The following ASB10 variants were observed in gnomAD, a reference collection of about 807,000 sequenced individuals.
The protein encoded by ASB10 is ankyrin repeat and SOCS box containing 10.
In ASB10, 44 loss-of-function variants were observed where a neutral mutation model predicts 35.4. That is an observed-to-expected ratio of 1.24 (90% CI 0.98 to 1.60). ASB10 has a LOEUF of 1.60. Ranked by LOEUF, ASB10 falls within the 40% of genes most tolerant of loss-of-function variation. The pLI, the probability that ASB10 is intolerant of heterozygous loss-of-function variation, is 0.00. For missense variants in ASB10, 647 were observed against 634.3 expected (o/e 1.02, Z -0.22); for synonymous variants, 294 against 280.4 (o/e 1.05, Z -0.49).
chr7:151,184,454 A>T (rs1223175236), intron 2 of ASB10, among the ~76,000 whole-genome samples: 1 of 152,100 alleles, frequency 6.6e-6, no homozygotes, highest in Admixed American at 6.6e-5. Flanking sequence ...ACATGGGTGA[A>T]GTCTGAAGAC....
intron 2 of ASB10, 29 bp from the exon 3 acceptor site, chr7:151,181,487 A>C: frequency 1.9e-6 from 3 of 1,551,922 alleles, no homozygotes; most frequent in Non-Finnish European, 2.6e-6. Context: ...GGTGGGGAGG[A>C]AAGCGGGCAC....
intron 2 of ASB10, among the ~76,000 whole-genome samples, chr7:151,183,833 G>A (rs968672405): frequency 3.3e-5 from 5 of 152,018 alleles, no homozygotes; most frequent in Non-Finnish European, 5.9e-5. Flanking sequence ...TGATCCACCC[G>A]GCTCGGCCTC....
chr7:151,183,078 C>T (rs910253255), intron 2 of ASB10, among the ~76,000 whole-genome samples: 5 of 152,196 alleles, frequency 3.3e-5, no homozygotes, highest in African/African-American at 9.7e-5. Flanking sequence ...CCACCTGTGG[C>T]TATCGAGTTC....
At chr7:151,186,738 C>G (rs1801603005) in intron 1 of ASB10, 77 bp downstream of exon 1, 2 of 1,538,526 alleles carry the variant, frequency 1.3e-6, no homozygotes. Context: ...TGGGCAGAGG[C>G]AGGAAGAGGG....
chr7:151,187,313 G>A (rs776734484), upstream of ASB10: 8 of 1,511,340 alleles, frequency 5.3e-6, no homozygotes, highest in Non-Finnish European at 7.1e-6. This position sits in a 1 kb window ranked among gnomAD's most constrained non-coding sequence, Gnocchi z 5.3. Context: ...CTTGGGCCAA[G>A]GTGTAGGCTA....
In ASB10 at chr7:151,176,177, G is replaced by C. The variant is rs1302735729; in HGVS notation, c.1339C>G (p.Arg447Gly). Residue 447 changes from arginine (R) to glycine (G), a missense_variant, in exon 5 of 6, where the codon CGC (arginine) becomes GGC (glycine). Physicochemically the swap from Arg to Gly is moderately radical, Grantham distance 125. Transcript: ENST00000420175. ...AGCAGGCGCGGTGGCAGGGGGAGGC[G>C]GGGCAGCGCTTGGGGCAGGCTGCCC... ...LEGSLPQALP[R>G]LPLPPRLLRY... is the part of the protein sequence containing the mutation. 1.2e-6 allele frequency: 2 copies of C among 1,611,440 alleles called. No homozygotes were observed. The highest frequency in any genetic ancestry group is 1.7e-6 in the Non-Finnish European group (2 of 1,179,682).
In ASB10 at chr7:151,175,703, A is replaced by G. The variant is rs1801372608; in HGVS notation, c.*264T>C. 5.9e-6 allele frequency: 1 copy of G among 169,242 alleles called. No individual in the cohort carries two copies. The highest frequency in any genetic ancestry group is 1.8e-4 in the South Asian group (1 of 5,446). 10.5% of individuals were successfully genotyped at this position (169,242 alleles called of 1,614,324 possible). A position where few individuals can be genotyped will look rare whatever the true frequency, so the allele number is the denominator to read the frequency against. On this transcript the variant is annotated 3_prime_UTR_variant, in exon 6 of 6. Coordinates refer to ENST00000420175, the MANE Select transcript of ASB10 (RefSeq NM_001142459.2). ...CTGTTGGAGACAGCACCAAACACAG[A>G]CCTGGAGATTTTTAATGCACATACA...
chr7:151,178,086 A>T (rs1464611641), intron 3 of ASB10, among the ~76,000 whole-genome samples: 1 of 152,190 alleles, frequency 6.6e-6, no homozygotes, highest in Non-Finnish European at 1.5e-5. Context: ...TGTCTCTACT[A>T]AAAATACAAA....
At position 151,181,001 on chromosome 7, in the gene ASB10, G is replaced by A. The variant is rs1563569397; in HGVS notation, c.1042C>T (p.His348Tyr). 3 of 1,600,748 alleles carry A rather than the reference G, an allele frequency of 1.9e-6. No homozygotes were observed. The highest frequency in any genetic ancestry group is 1.1e-5 in the South Asian group (1 of 90,708). ...PAAALAQSPE[H>Y]VVRALLNHGA... Reference sequence around the variant, plus strand: ...TGGTTGAGCAGAGCCCGAACCACGTGCTCGGGGCTCTGGGCCAGGGCTGCA... The same window carrying A: ...TGGTTGAGCAGAGCCCGAACCACGTACTCGGGGCTCTGGGCCAGGGCTGCA... The change falls in exon 3 of 6, where the codon CAC (histidine) becomes TAC (tyrosine). Residue 348 changes from histidine to tyrosine, a missense_variant. Coordinates refer to ENST00000420175, the MANE Select transcript of ASB10 (RefSeq NM_001142459.2).
chr7:151,182,555 G>A (rs138373099), intron 2 of ASB10, among the ~76,000 whole-genome samples: 2 of 152,272 alleles, frequency 1.3e-5, no homozygotes, highest in East Asian at 3.9e-4. Flanking sequence ...TCCAGCTTGG[G>A]TGACAGAGTG....
rs1338153580 is a variant in ASB10, at chr7:151,186,580, C to T, written c.396G>A (p.Leu132=). 4 of 1,608,696 alleles carry T rather than the reference C, an allele frequency of 2.5e-6. No individual in the cohort carries two copies. Among genetic ancestry groups the T allele is most frequent in the East Asian group, 4.5e-5 (2 of 44,710 alleles). ...TTGCTCGCCGCCTCAGCAGCAGCCGCAGGACTTCCGTGTGGCCACGGCTGG... is the reference window on the plus strand; with the variant it reads ...TTGCTCGCCGCCTCAGCAGCAGCCGTAGGACTTCCGTGTGGCCACGGCTGG... ...VAASRGHTEV[L]RLLLRRRARP... The change falls in exon 2 of 6, where the codon CTG becomes CTA. Residue 132 remains leucine (L), a synonymous_variant. Transcript: ENST00000420175.
intron 2 of ASB10, among the ~76,000 whole-genome samples, chr7:151,185,087 T>C (rs1801563367): frequency 6.6e-6 from 1 of 151,868 alleles, no homozygotes; most frequent in Non-Finnish European, 1.5e-5. Context: ...TACCACCATT[T>C]TGAAAATTAA....
chr7:151,179,607 C>A (rs1025338513), intron 3 of ASB10, among the ~76,000 whole-genome samples: 1 of 152,250 alleles, frequency 6.6e-6, no homozygotes, highest in Non-Finnish European at 1.5e-5. Context: ...CATTTCATCA[C>A]AGATGGGCGG....
intron 5 of ASB10, 23 bp downstream of exon 5, chr7:151,176,089 T>C (rs768043608): frequency 1.9e-6 from 3 of 1,608,202 alleles, no homozygotes; most frequent in East Asian, 4.5e-5. Flanking sequence ...CAGCTGTGAC[T>C]GCTCACAGAT....
At chr7:151,183,857 A>G (rs1238361524) in intron 2 of ASB10, among the ~76,000 whole-genome samples, 2 of 151,984 alleles carry the variant, frequency 1.3e-5, no homozygotes, top group African/African-American at 4.8e-5. Flanking sequence ...AAGTGCTGGG[A>G]TTACAGGCGT....
rs763931539 is a variant in ASB10, at chr7:151,187,031, C to T, written c.100G>A (p.Gly34Arg). Reference sequence around the variant, plus strand: ...CCAGACTTGAGGTGCTCCTCAGACCCTCTGCTGGGCTTCTCCACCAGCCTG... The same window carrying T: ...CCAGACTTGAGGTGCTCCTCAGACCTTCTGCTGGGCTTCTCCACCAGCCTG... ...CARLVEKPSR[G>R]SEEHLKSGPG... Residue 34 changes from glycine (G) to arginine (R), a missense_variant, in exon 1 of 6, where the codon GGG becomes AGG. Coordinates refer to ENST00000420175, the MANE Select transcript of ASB10 (RefSeq NM_001142459.2). The surrounding 1 kb of genome is among the most constrained non-coding windows in gnomAD (Gnocchi z 5.3). The T allele has an allele frequency of 2.5e-6, 4 of 1,610,350 alleles. No homozygotes were observed. The Admixed American group carries it at 6.7e-5, about 27-fold the overall frequency.
chr7:151,181,410 G>C lies in ASB10; in HGVS notation c.633C>G (p.Ser211=). The change falls in exon 3 of 6, where the codon TCC becomes TCG. Residue 211 remains serine (S), a synonymous_variant. Transcript: ENST00000420175. ...LRFGARVDGR[S]EEEEETPLHV... is the part of the protein sequence containing the mutation. ...GCAAAGGGGTCTCCTCTTCTTCCTCGGACCGACCATCCACTCTCGCTCCAA... is the reference window on the plus strand; with the variant it reads ...GCAAAGGGGTCTCCTCTTCTTCCTCCGACCGACCATCCACTCTCGCTCCAA... 1 of 1,610,276 alleles carries C rather than the reference G, an allele frequency of 6.2e-7. No homozygotes were observed. The highest frequency in any genetic ancestry group is 8.5e-7 in the Non-Finnish European group (1 of 1,178,116).
In ASB10 at chr7:151,185,582, G is replaced by C. The variant is rs1439027676; in HGVS notation, c.584+810C>G. ...TGATGAGATTAACAAGAAGGAGAGG[G>C]TCCATGAAAGGAGAACCCCAGGGTC... On this transcript the variant is annotated intron_variant, in intron 2 of 5. Transcript: ENST00000420175. Among the ~76,000 whole-genome samples, 3 of 152,154 alleles carry C rather than the reference G, an allele frequency of 2.0e-5. No homozygotes were observed. The East Asian group carries it at 5.8e-4, about 29-fold the overall frequency.
chr7:151,181,546 C>T lies in ASB10; in HGVS notation c.585-88G>A, dbSNP rs1488902079. On this transcript the variant is annotated intron_variant, in intron 2 of 5. Coordinates refer to ENST00000420175, the MANE Select transcript of ASB10 (RefSeq NM_001142459.2). ...GGGTGGCTCTTGGTTCTGTCTCCCC[C>T]CACCCACCCTCCATCCTGCCCATCA... 4.1e-6 allele frequency: 6 copies of T among 1,453,282 alleles called. No homozygotes were observed. In the South Asian group the frequency reaches 8.5e-5, roughly 21 times the overall value. 90.0% of individuals were successfully genotyped at this position (1,453,282 alleles called of 1,614,324 possible).
Sources: allele counts gnomAD v4.1 joint callset (sites outside exome capture counted in the v4.1 genomes callset), GRCh38; gene constraint gnomAD v4.1.1; non-coding constraint Gnocchi (gnomAD v3.1); transcripts MANE v1.5; gene names NCBI Gene and HGNC (gene_info 2026-07-23, HGNC 2026-07-21).